The following KIF13B variants were observed in gnomAD, a reference collection of about 807,000 sequenced individuals.
KIF13B encodes the protein kinesin family member 13B.
Under a neutral mutation model 222.0 loss-of-function variants are expected in KIF13B, and 127 were observed. That is an observed-to-expected ratio of 0.57 (90% CI 0.50 to 0.66). The LOEUF (loss-of-function observed/expected upper bound fraction) is 0.66. Among genes scored for constraint, KIF13B ranks in the 30% least tolerant of loss-of-function variants. KIF13B has a pLI of 0.00. For missense variants in KIF13B, 2,173 were observed against 2,379.0 expected, an observed-to-expected ratio of 0.91 and a Z score of 1.80; for synonymous variants, 976 against 919.0, an observed-to-expected ratio of 1.06 and a Z score of -1.12.
At position 29,130,672 on chromosome 8, in the gene KIF13B, A is replaced by T. The variant is rs749562375; in HGVS notation, c.2943-7T>A. The T allele has an allele frequency of 3.1e-6, 5 of 1,613,760 alleles. No homozygotes were observed. Among genetic ancestry groups the T allele is most frequent in the Non-Finnish European group, 4.2e-6 (5 of 1,179,720 alleles). ...CCTGGTCACTTCACTCCATCTAGGA[A>T]ATAAGCGAAGTTCTTGGAAAATCAT... On this transcript the variant is annotated splice_polypyrimidine_tract_variant and splice_region_variant and intron_variant, in intron 23 of 39. Transcript: ENST00000524189.
intron 32 of KIF13B, chr8:29,110,441 G>T: frequency 4.1e-6 from 1 of 242,976 alleles, no homozygotes; most frequent in South Asian, 4.9e-5. Flanking sequence ...GAGGGACAGA[G>T]AAAGGGAAGA....
At position 29,116,814 on chromosome 8, in the gene KIF13B, T is replaced by C. The variant is rs1021391600; in HGVS notation, c.3837+17A>G. ...TCGCAACTGTGGTTAGAGTCGTTTCTTCCACTGAAGACTAACCTGGCGGCC... is the reference window on the plus strand; with the variant it reads ...TCGCAACTGTGGTTAGAGTCGTTTCCTCCACTGAAGACTAACCTGGCGGCC... On this transcript the variant is annotated intron_variant, in intron 31 of 39. Transcript: ENST00000524189. 3 of 1,565,538 alleles carry C rather than the reference T, an allele frequency of 1.9e-6. No individual in the cohort carries two copies. The African/African-American group carries it at 4.1e-5, about 21-fold the overall frequency.
chr8:29,236,131 G>A (rs1815496079), intron 2 of KIF13B, among the ~76,000 whole-genome samples: 1 of 152,152 alleles, frequency 6.6e-6, no homozygotes, highest in Non-Finnish European at 1.5e-5. Context: ...GGGAAAAAAA[G>A]ACTTGATGAG....
intron 16 of KIF13B, 87 bp from the exon 17 acceptor site, chr8:29,147,689 CATCTT>C: frequency 6.1e-6 from 6 of 985,044 alleles, no homozygotes; most frequent in Non-Finnish European, 9.2e-6. Flanking sequence ...TGTTGTCTGT[CATCTT>C]AACTATACCA....
At position 29,167,248 on chromosome 8, in the gene KIF13B, T is replaced by C. The variant is rs147167164; in HGVS notation, c.1158+125A>G. On this transcript the variant is annotated intron_variant, in intron 11 of 39. Transcript: ENST00000524189. ...TTTATTACTCATCCCAAAGTTCTCT[T>C]GCTGTAAGAAATTCGCAAATTTTAA... 14 of 661,740 alleles carry C rather than the reference T, an allele frequency of 2.1e-5. No individual in the cohort carries two copies. The East Asian group carries it at 3.6e-4, about 17-fold the overall frequency. 41.0% of individuals were successfully genotyped at this position (661,740 alleles called of 1,614,324 possible).
chr8:29,246,497 T>C (rs538758100), intron 1 of KIF13B, among the ~76,000 whole-genome samples: 14 of 152,242 alleles, frequency 9.2e-5, no homozygotes, highest in African/African-American at 3.4e-4. Context: ...TGCATGTTCA[T>C]GAATTGAAAG....
chr8:29,111,766 G>T (rs1443417820), intron 32 of KIF13B, among the ~76,000 whole-genome samples: 1 of 152,204 alleles, frequency 6.6e-6, no homozygotes, highest in African/African-American at 2.4e-5. Context: ...TTTCTCAACT[G>T]CATTCAAGCG....
chr8:29,254,316 T>C (rs1478804746), intron 1 of KIF13B, among the ~76,000 whole-genome samples: 2 of 152,140 alleles, frequency 1.3e-5, no homozygotes, highest in African/African-American at 4.8e-5. Context: ...CAACTAAAAA[T>C]AAACTGGACT....
intron 5 of KIF13B, among the ~76,000 whole-genome samples, chr8:29,187,079 TG>T (rs2130321838): frequency 6.6e-6 from 1 of 152,194 alleles, no homozygotes; most frequent in Non-Finnish European, 1.5e-5. Context: ...CGAAATAAGC[TG>T]AAAGAGCCAT....
At chr8:29,145,558 G>A (rs1324637774) in intron 18 of KIF13B, among the ~76,000 whole-genome samples, 1 of 152,108 alleles carries the variant, frequency 6.6e-6, no homozygotes, top group Admixed American at 6.5e-5. Flanking sequence ...TTGAACCCAG[G>A]AGGCAGATGC....
rs545811185 is a variant in KIF13B at position 29,080,475 on chromosome 8, C to T, written c.4459-5132G>A. Reference sequence around the variant, plus strand: ...CGGGAGGCGGGCGGGGAGAACGTGTCCAGCCCTGGCCTGAAGCCTGTGAAC... The same window carrying T: ...CGGGAGGCGGGCGGGGAGAACGTGTTCAGCCCTGGCCTGAAGCCTGTGAAC... On this transcript the variant is annotated intron_variant, in intron 37 of 39. Transcript: ENST00000524189. 3.2e-4 allele frequency among the ~76,000 whole-genome samples: 48 copies of T among 152,248 alleles called. No individual in the cohort carries two copies. In the Middle Eastern group the frequency reaches 0.031, roughly 97 times the overall value.
chr8:29,248,624 G>T (rs1326155256), intron 1 of KIF13B, among the ~76,000 whole-genome samples: 1 of 152,172 alleles, frequency 6.6e-6, no homozygotes, highest in Non-Finnish European at 1.5e-5. Flanking sequence ...CTGACCCCAT[G>T]ATTCATTTGT....
intron 2 of KIF13B, among the ~76,000 whole-genome samples, chr8:29,228,472 A>AAAAAAAT: frequency 8.5e-6 from 1 of 117,082 alleles, no homozygotes; most frequent in Admixed American, 8.9e-5. Context: ...ATCTTAAAAA[A>AAAAAAAT]ATATATATAT....
At chr8:29,155,260 C>T (rs899631969) in intron 14 of KIF13B, among the ~76,000 whole-genome samples, 16 of 152,120 alleles carry the variant, frequency 1.1e-4, no homozygotes, top group Admixed American at 3.3e-4. Flanking sequence ...CACAACAGGG[C>T]GATGGTCCGA....
rs550074128 is a variant in KIF13B at position 29,221,605 on chromosome 8, T to C, written c.149+23741A>G. Among the ~76,000 whole-genome samples the C allele has an allele frequency of 5.8e-4, 88 of 152,286 alleles. 2 individuals are homozygous for C. In the South Asian group the frequency reaches 0.012, roughly 20 times the overall value. On this transcript the variant is annotated intron_variant, in intron 2 of 39. Coordinates refer to ENST00000524189, the MANE Select transcript of KIF13B (RefSeq NM_015254.4). ...GGAGTCAATGAATATGTATCCAATATGATTTTAATATGAATCTTAATTATC... is the reference window on the plus strand; with the variant it reads ...GGAGTCAATGAATATGTATCCAATACGATTTTAATATGAATCTTAATTATC...
chr8:29,234,309 T>C (rs1230295797), intron 2 of KIF13B, among the ~76,000 whole-genome samples: 1 of 152,032 alleles, frequency 6.6e-6, no homozygotes, highest in African/African-American at 2.4e-5. Context: ...ATGTGGTTTA[T>C]CCATACAATG....
At chr8:29,140,833 G>A (rs1426383928) in intron 19 of KIF13B, 6 of 466,060 alleles carry the variant, frequency 1.3e-5, no homozygotes, top group East Asian at 6.8e-5. Flanking sequence ...CAATGGAGGT[G>A]AGCATCCTCC....
In KIF13B at chr8:29,071,642, G is replaced by A. The variant is rs1216578675; in HGVS notation, c.5196C>T (p.Gly1732=). 5 of 1,553,994 alleles carry A rather than the reference G, an allele frequency of 3.2e-6. No individual in the cohort carries two copies. The highest frequency in any genetic ancestry group is 2.4e-5 in the East Asian group (1 of 41,040). Residue 1732 remains glycine, a synonymous_variant, in exon 39 of 40, where the codon GGC becomes GGT. Transcript: ENST00000524189. The surrounding 1 kb of genome is among the most constrained non-coding windows in gnomAD (Gnocchi z 4.9). ...CACCTGAGGGCAGGTCGAGCTCCACGCCGACCCACGTGCCCTCTTGGAAGT... is the reference window on the plus strand; with the variant it reads ...CACCTGAGGGCAGGTCGAGCTCCACACCGACCCACGTGCCCTCTTGGAAGT... ...PADFQEGTWV[G]VELDLPSGKN... is the part of the protein sequence containing the mutation.
chr8:29,137,624 T>G (rs1810625397), intron 21 of KIF13B, among the ~76,000 whole-genome samples: 2 of 152,234 alleles, frequency 1.3e-5, no homozygotes, highest in Non-Finnish European at 2.9e-5. Flanking sequence ...GTTTCTTTTG[T>G]TTTTCTACCA....
Sources: allele counts gnomAD v4.1 joint callset (sites outside exome capture counted in the v4.1 genomes callset), GRCh38; gene constraint gnomAD v4.1.1; non-coding constraint Gnocchi (gnomAD v3.1); transcripts MANE v1.5; gene names NCBI Gene and HGNC (gene_info 2026-07-23, HGNC 2026-07-21).